Variants in SPTLC1 observed in about 807,000 individuals in gnomAD.
SPTLC1 encodes the protein serine palmitoyltransferase 1.
SPTLC1 carries 55 observed loss-of-function variants against 68.9 expected under a neutral mutation model. The observed-to-expected ratio is 0.80, with a 90% CI of 0.64 to 1.00. The LOEUF is 1.00. SPTLC1 is among the 50% of genes least tolerant of loss of function. SPTLC1 has a pLI of 0.00. For synonymous variants in SPTLC1, 197 were observed against 201.6 expected (o/e 0.98, Z 0.19); for missense variants, 449 against 573.1 (o/e 0.78, Z 2.21).
intron 6 of SPTLC1, among the ~76,000 whole-genome samples, chr9:92,061,567 G>A (rs12336497): frequency 0.11 from 16,416 of 152,206 alleles, 1,912 homozygotes; most frequent in African/African-American, 0.3. Flanking sequence ...GGAGGAAGGA[G>A]CACAGTAAGT....
At chr9:92,034,430 G>A (rs529929325) in intron 14 of SPTLC1, among the ~76,000 whole-genome samples, 5 of 152,306 alleles carry the variant, frequency 3.3e-5, no homozygotes, top group South Asian at 2.1e-4. Context: ...CAGCAGAGGC[G>A]CATGCCCACC....
chr9:92,106,584 G>A (rs926131723), intron 3 of SPTLC1, among the ~76,000 whole-genome samples: 2 of 151,888 alleles, frequency 1.3e-5, no homozygotes, highest in African/African-American at 4.8e-5. Flanking sequence ...TACACTTCAC[G>A]GATCCCAGCT....
intron 3 of SPTLC1, among the ~76,000 whole-genome samples, chr9:92,085,032 G>A (rs1835055806): frequency 6.6e-6 from 1 of 151,688 alleles, no homozygotes; most frequent in Non-Finnish European, 1.5e-5. Flanking sequence ...TTTGCGTAGA[G>A]GTGTTTGTAG....
At chr9:92,073,321 A>G (rs1564100404) in intron 5 of SPTLC1, among the ~76,000 whole-genome samples, 1 of 152,204 alleles carries the variant, frequency 6.6e-6, no homozygotes, top group Admixed American at 6.5e-5. Flanking sequence ...CCCTAGCTCA[A>G]TCTTATGCTG....
chr9:92,114,814 C>A (rs1173148657), intron 1 of SPTLC1: 1 of 168,018 alleles, frequency 6.0e-6, no homozygotes, highest in Non-Finnish European at 1.3e-5. Flanking sequence ...CTGATGTACG[C>A]AGAAGAATGA....
intron 3 of SPTLC1, among the ~76,000 whole-genome samples, chr9:92,087,063 A>G (rs376810556): frequency 0.11 from 16,495 of 147,594 alleles, 1,914 homozygotes; most frequent in African/African-American, 0.31. Context: ...CATTCTTCAC[A>G]TAGTTCTCGA....
intron 3 of SPTLC1, among the ~76,000 whole-genome samples, chr9:92,082,762 G>A (rs1834936575): frequency 2.0e-5 from 3 of 151,594 alleles, no homozygotes; most frequent in Admixed American, 2.0e-4. Context: ...CCCAGTAATG[G>A]GATGGCTGGG....
chr9:92,048,180 G>A (rs990528528), intron 9 of SPTLC1, among the ~76,000 whole-genome samples: 2 of 152,118 alleles, frequency 1.3e-5, no homozygotes, highest in African/African-American at 4.8e-5. Context: ...TTATCCAAAC[G>A]TCATGGCGAT....
At chr9:92,042,568 G>T (rs973787701) in intron 12 of SPTLC1, among the ~76,000 whole-genome samples, 2 of 152,114 alleles carry the variant, frequency 1.3e-5, no homozygotes, top group African/African-American at 4.8e-5. Context: ...TTCCATAAAG[G>T]TACAAGGGCT....
intron 12 of SPTLC1, among the ~76,000 whole-genome samples, chr9:92,044,823 G>T (rs1355598402): frequency 1.3e-5 from 2 of 152,176 alleles, no homozygotes; most frequent in Non-Finnish European, 2.9e-5. Flanking sequence ...ACAGCATAAG[G>T]CCAGGCTGTT....
At chr9:92,100,516 T>C (rs1268468388) in intron 3 of SPTLC1, among the ~76,000 whole-genome samples, 3 of 152,178 alleles carry the variant, frequency 2.0e-5, no homozygotes, top group Non-Finnish European at 4.4e-5. Flanking sequence ...ACACTCTAAC[T>C]GTGGACCGAT....
intron 5 of SPTLC1, among the ~76,000 whole-genome samples, chr9:92,077,351 C>A (rs746123626): frequency 6.6e-6 from 1 of 152,138 alleles, no homozygotes; most frequent in Non-Finnish European, 1.5e-5. Context: ...GACACCCTAG[C>A]CGGACGGTCA....
chr9:92,099,767 C>G (rs537851370), intron 3 of SPTLC1, among the ~76,000 whole-genome samples: 1 of 152,184 alleles, frequency 6.6e-6, no homozygotes, highest in African/African-American at 2.4e-5. Flanking sequence ...CAGGCATGAG[C>G]CATCATGCCT....
At chr9:92,087,730 T>C (rs1167885402) in intron 3 of SPTLC1, among the ~76,000 whole-genome samples, 1 of 152,222 alleles carries the variant, frequency 6.6e-6, no homozygotes, top group Non-Finnish European at 1.5e-5. Flanking sequence ...CTGCCCGTTC[T>C]CAGATCTCCA....
chr9:92,059,951 C>A (rs777878846), intron 6 of SPTLC1, among the ~76,000 whole-genome samples: 4 of 152,162 alleles, frequency 2.6e-5, no homozygotes, highest in Admixed American at 2.6e-4. Context: ...CCCTCCACCC[C>A]CACTGTGGTG....
intron 5 of SPTLC1, chr9:92,077,169 C>T (rs117972175): frequency 0.034 from 5,185 of 152,314 alleles, 157 homozygotes; most frequent in South Asian, 0.11. Context: ...GGGAACCCAC[C>T]GGGTACAGTC....
intron 3 of SPTLC1, among the ~76,000 whole-genome samples, chr9:92,087,599 TG>T (rs1301538995): frequency 1.3e-5 from 2 of 152,222 alleles, no homozygotes; most frequent in African/African-American, 4.8e-5. Flanking sequence ...ATCGTTCCTC[TG>T]GAAGTTTTGT....
chr9:92,067,865 G>T, intron 6 of SPTLC1, 101 bp downstream of exon 6: 1 of 1,396,536 alleles, frequency 7.2e-7, no homozygotes, highest in Non-Finnish European at 1.0e-6. Flanking sequence ...ACAAAAAGCA[G>T]CATTATTTTA....
chr9:92,062,952 A>AGAGATG (rs1834155903), intron 6 of SPTLC1, among the ~76,000 whole-genome samples: 1 of 152,236 alleles, frequency 6.6e-6, no homozygotes, highest in Admixed American at 6.5e-5. Context: ...TAATAATTTA[A>AGAGATG]GCTCTTACCT....
Sources: gnomAD v4.1 joint callset for allele counts (sites outside exome capture counted in the v4.1 genomes callset) on GRCh38, gnomAD v4.1.1 for gene constraint, MANE v1.5 for transcripts, NCBI Gene and HGNC (gene_info 2026-07-23, HGNC 2026-07-21) for gene names.